The following CA10 variants were observed in gnomAD, a reference collection of about 807,000 sequenced individuals.
CA10 encodes the protein carbonic anhydrase 10 (inactive).
In CA10, 14 loss-of-function variants were observed where a neutral mutation model predicts 44.2. That is an observed-to-expected ratio of 0.32 (90% CI 0.21 to 0.50). CA10 has a LOEUF of 0.50. Among genes scored for constraint, CA10 ranks in the 20% least tolerant of loss-of-function variants. The pLI is 0.99. For synonymous variants in CA10, 159 were observed against 141.6 expected, an observed-to-expected ratio of 1.12 and a Z score of -0.87; for missense variants, 350 against 409.7, an observed-to-expected ratio of 0.85 and a Z score of 1.26.
chr17:52,038,846 AT>A (rs1480494273), intron 2 of CA10, among the ~76,000 whole-genome samples: 1 of 152,128 alleles, frequency 6.6e-6, no homozygotes, highest in Non-Finnish European at 1.5e-5. Flanking sequence ...TCAAAACATG[AT>A]TGCAATTAAG....
chr17:51,973,344 G>A (rs1305411923), intron 2 of CA10, among the ~76,000 whole-genome samples: 1 of 152,202 alleles, frequency 6.6e-6, no homozygotes, highest in East Asian at 1.9e-4. Flanking sequence ...GGACTACAGA[G>A]ATTGTGAGGG....
chr17:52,064,707 A>G (rs1403444340), intron 2 of CA10, among the ~76,000 whole-genome samples: 1 of 152,180 alleles, frequency 6.6e-6, no homozygotes, highest in Non-Finnish European at 1.5e-5. Context: ...GGAAAATAGC[A>G]AGCTGGGAGG....
chr17:51,764,985 T>C (rs1905320091), intron 3 of CA10, among the ~76,000 whole-genome samples: 1 of 152,226 alleles, frequency 6.6e-6, no homozygotes, highest in South Asian at 2.1e-4. Flanking sequence ...TTTTAAAAGG[T>C]TGTGTGAACA....
chr17:51,731,674 G>GTTT (rs1567820372), intron 4 of CA10, among the ~76,000 whole-genome samples: 19 of 128,726 alleles, frequency 1.5e-4, no homozygotes, highest in Non-Finnish European at 2.5e-4. Flanking sequence ...AAAAAAAAAA[G>GTTT]ATTTATTTAT....
chr17:52,088,544 T>C (rs781397350), intron 1 of CA10, among the ~76,000 whole-genome samples: 1 of 152,098 alleles, frequency 6.6e-6, no homozygotes, highest in African/African-American at 2.4e-5. Context: ...CTCTACCACA[T>C]AACCTCAAGA....
chr17:51,813,045 A>T (rs1024330277), intron 3 of CA10, among the ~76,000 whole-genome samples: 3 of 152,214 alleles, frequency 2.0e-5, no homozygotes, highest in African/African-American at 7.2e-5. Flanking sequence ...TTTCACTTGG[A>T]CTAAATCGGA....
At chr17:51,779,562 C>T (rs1290546801) in intron 3 of CA10, among the ~76,000 whole-genome samples, 5 of 152,170 alleles carry the variant, frequency 3.3e-5, no homozygotes, top group Admixed American at 6.5e-5. Flanking sequence ...CCTGGAATTA[C>T]CCTTTGTTTG....
At chr17:52,002,804 T>C (rs1985470943) in intron 2 of CA10, among the ~76,000 whole-genome samples, 1 of 151,846 alleles carries the variant, frequency 6.6e-6, no homozygotes, top group South Asian at 2.1e-4. Flanking sequence ...AAGAAGCCAG[T>C]TTGCTTATTA....
chr17:51,940,446 T>C (rs1983033889), intron 2 of CA10, among the ~76,000 whole-genome samples: 1 of 152,100 alleles, frequency 6.6e-6, no homozygotes, highest in Non-Finnish European at 1.5e-5. Flanking sequence ...TGGACCATTC[T>C]TGGGGGCACA....
At chr17:51,769,747 G>A (rs1421007672) in intron 3 of CA10, among the ~76,000 whole-genome samples, 2 of 152,122 alleles carry the variant, frequency 1.3e-5, no homozygotes, top group African/African-American at 4.8e-5. Flanking sequence ...ACTCACCAGT[G>A]CATCCTAAAA....
chr17:51,880,246 C>T (rs898168854), intron 3 of CA10, among the ~76,000 whole-genome samples: 2 of 152,146 alleles, frequency 1.3e-5, no homozygotes, highest in Non-Finnish European at 2.9e-5. Flanking sequence ...GGTATGTCCC[C>T]GTGTGGTACT....
intron 3 of CA10, among the ~76,000 whole-genome samples, chr17:51,906,488 G>A (rs550177702): frequency 7.2e-5 from 11 of 152,150 alleles, no homozygotes; most frequent in Non-Finnish European, 1.3e-4. Flanking sequence ...ATCTCTAAAC[G>A]TCAGGATACC....
intron 3 of CA10, among the ~76,000 whole-genome samples, chr17:51,930,604 T>G (rs1390341082): frequency 1.3e-5 from 2 of 152,096 alleles, no homozygotes; most frequent in African/African-American, 4.8e-5. Context: ...AACGTCTGAT[T>G]TTATTTTTGT....
At chr17:52,033,053 A>G (rs1257922723) in intron 2 of CA10, among the ~76,000 whole-genome samples, 1 of 152,252 alleles carries the variant, frequency 6.6e-6, no homozygotes. Flanking sequence ...CTCCAACTAC[A>G]ACATGGATTT....
chr17:52,027,528 A>G (rs1986337805), intron 2 of CA10, among the ~76,000 whole-genome samples: 1 of 152,166 alleles, frequency 6.6e-6, no homozygotes, highest in Non-Finnish European at 1.5e-5. Flanking sequence ...CTGGGAGTCT[A>G]GGATCTAAAA....
chr17:51,715,789 C>G (rs1322534296), intron 4 of CA10, among the ~76,000 whole-genome samples: 1 of 152,026 alleles, frequency 6.6e-6, no homozygotes, highest in Non-Finnish European at 1.5e-5. Context: ...CTCCTAGGCT[C>G]AAGCAATTCT....
intron 1 of CA10, among the ~76,000 whole-genome samples, chr17:52,152,179 C>T (rs907308150): frequency 9.2e-5 from 14 of 151,988 alleles, no homozygotes; most frequent in Admixed American, 2.0e-4. Context: ...AAGTACAGTG[C>T]TAGTTGTAGA....
rs1913360575 is a variant in CA10, at chr17:51,646,851, C to T, written c.634+2331G>A. On this transcript the variant is annotated intron_variant, in intron 6 of 8. Transcript: ENST00000451037. ...TTCTCATGAATCGGCCATCATTATTCCTGCAGTGCTGCTCCCTTCAGGTAT... is the reference window on the plus strand; with the variant it reads ...TTCTCATGAATCGGCCATCATTATTTCTGCAGTGCTGCTCCCTTCAGGTAT... Among the ~76,000 whole-genome samples the T allele has an allele frequency of 1.3e-5, 2 of 152,192 alleles. 1 individual carries two copies. Among genetic ancestry groups the T allele is most frequent in the South Asian group, 4.1e-4 (2 of 4,830 alleles).
intron 3 of CA10, among the ~76,000 whole-genome samples, chr17:51,874,426 T>G (rs1027375723): frequency 2.7e-5 from 4 of 150,924 alleles, no homozygotes; most frequent in Non-Finnish European, 5.9e-5. Context: ...AAAACTCAGC[T>G]CTCCTTTATC....
Sources: gnomAD v4.1 joint callset for allele counts (sites outside exome capture counted in the v4.1 genomes callset) on GRCh38, gnomAD v4.1.1 for gene constraint, MANE v1.5 for transcripts, NCBI Gene and HGNC (gene_info 2026-07-23, HGNC 2026-07-21) for gene names.